The following KCNT2 variants were observed in gnomAD, a reference collection of about 807,000 sequenced individuals.
KCNT2 encodes the protein potassium sodium-activated channel subfamily T member 2.
A neutral mutation model predicts 153.8 loss-of-function variants in KCNT2; 67 were observed. The observed-to-expected ratio is 0.44, with a 90% CI of 0.36 to 0.53. The LOEUF (loss-of-function observed/expected upper bound fraction) is 0.53, where lower values mean the gene tolerates loss of function less well. Among genes scored for constraint, KCNT2 ranks in the 20% least tolerant of loss-of-function variants. The pLI is 0.00. For missense variants in KCNT2, 975 were observed against 1,354.8 expected (o/e 0.72, Z 4.40); for synonymous variants, 500 against 458.8 (o/e 1.09, Z -1.15).
At chr1:196,451,721 G>A (rs1676223604) in intron 8 of KCNT2, among the ~76,000 whole-genome samples, 1 of 151,384 alleles carries the variant, frequency 6.6e-6, no homozygotes, top group Non-Finnish European at 1.5e-5. Context: ...GAAAAATTTA[G>A]TTCCTTCATG....
At chr1:196,341,504 T>C (rs1665626110) in intron 15 of KCNT2, among the ~76,000 whole-genome samples, 3 of 151,964 alleles carry the variant, frequency 2.0e-5, no homozygotes, top group African/African-American at 7.2e-5. Context: ...ATATTGTAAA[T>C]CCTCCAAAAT....
chr1:196,363,900 C>A (rs753672696), intron 14 of KCNT2, among the ~76,000 whole-genome samples: 1 of 152,024 alleles, frequency 6.6e-6, no homozygotes, highest in Non-Finnish European at 1.5e-5. Flanking sequence ...TATATACTAG[C>A]AAACATACAT....
chr1:196,602,757 A>T (rs1664869356), intron 1 of KCNT2, among the ~76,000 whole-genome samples: 1 of 144,248 alleles, frequency 6.9e-6, no homozygotes, highest in Non-Finnish European at 1.5e-5. Flanking sequence ...TACACTATAT[A>T]TATTCAAAGT....
chr1:196,594,665 A>G (rs1002674680), intron 1 of KCNT2, among the ~76,000 whole-genome samples: 1 of 152,126 alleles, frequency 6.6e-6, no homozygotes, highest in Non-Finnish European at 1.5e-5. Flanking sequence ...TATATGGAGT[A>G]ATCAGAGTGA....
chr1:196,244,815 C>A (rs974013454), intron 26 of KCNT2, among the ~76,000 whole-genome samples: 3 of 152,050 alleles, frequency 2.0e-5, no homozygotes, highest in South Asian at 2.1e-4. Context: ...GCTGGTTTTG[C>A]CACCTTCTGT....
At chr1:196,419,647 C>T (rs2148510260) in intron 12 of KCNT2, among the ~76,000 whole-genome samples, 1 of 151,978 alleles carries the variant, frequency 6.6e-6, no homozygotes, top group African/African-American at 2.4e-5. Context: ...CTAGACCAAA[C>T]TTTTGCCAGG....
intron 1 of KCNT2, among the ~76,000 whole-genome samples, chr1:196,599,044 A>C (rs924577637): frequency 6.6e-6 from 1 of 152,244 alleles, no homozygotes; most frequent in African/African-American, 2.4e-5. Context: ...TAATTTGCCA[A>C]TGTAATCACC....
intron 1 of KCNT2, among the ~76,000 whole-genome samples, chr1:196,543,160 C>A (rs182267799): frequency 2.6e-4 from 40 of 152,178 alleles, no homozygotes; most frequent in Non-Finnish European, 5.3e-4. Flanking sequence ...ACAGAATTTA[C>A]TAGAGTTAAG....
chr1:196,336,080 A>G (rs1664998911), intron 16 of KCNT2, among the ~76,000 whole-genome samples: 1 of 152,114 alleles, frequency 6.6e-6, no homozygotes, highest in Non-Finnish European at 1.5e-5. Context: ...ATACCTATGC[A>G]ACTGAATACA....
intron 1 of KCNT2, among the ~76,000 whole-genome samples, chr1:196,546,157 A>C (rs1315133369): frequency 2.6e-5 from 4 of 152,094 alleles, no homozygotes; most frequent in Non-Finnish European, 5.9e-5. Context: ...GTTGTAACTT[A>C]TTCAAATCCT....
At chr1:196,598,138 A>G (rs1161809818) in intron 1 of KCNT2, among the ~76,000 whole-genome samples, 2 of 152,190 alleles carry the variant, frequency 1.3e-5, no homozygotes, top group African/African-American at 4.8e-5. Context: ...AAAGCATTCA[A>G]AATGGACATT....
At chr1:196,537,865 T>C (rs1363418719) in intron 1 of KCNT2, among the ~76,000 whole-genome samples, 1 of 152,176 alleles carries the variant, frequency 6.6e-6, no homozygotes, top group Non-Finnish European at 1.5e-5. Flanking sequence ...GAGCCTGCAA[T>C]TGGAGCACCT....
At chr1:196,445,171 A>G (rs1432854900) in intron 8 of KCNT2, among the ~76,000 whole-genome samples, 1 of 151,436 alleles carries the variant, frequency 6.6e-6, no homozygotes, top group Admixed American at 6.6e-5. Context: ...TTTGATAAAA[A>G]TAAAATAATA....
intron 1 of KCNT2, among the ~76,000 whole-genome samples, chr1:196,575,633 G>T (rs1286683032): frequency 1.3e-5 from 2 of 149,944 alleles, no homozygotes; most frequent in Non-Finnish European, 3.0e-5. Context: ...ATATAGATTT[G>T]ATATATTTAT....
At chr1:196,232,893 A>G (rs1280171466) in intron 27 of KCNT2, among the ~76,000 whole-genome samples, 1 of 151,456 alleles carries the variant, frequency 6.6e-6, no homozygotes, top group Non-Finnish European at 1.5e-5. Context: ...ATTATAAAAT[A>G]CAAATAAGGT....
intron 26 of KCNT2, 121 bp downstream of exon 26, chr1:196,258,073 G>GT: frequency 6.9e-7 from 1 of 1,448,758 alleles, no homozygotes; most frequent in Non-Finnish European, 9.1e-7. Flanking sequence ...TGTATCACTA[G>GT]TTTCTACTAA....
chr1:196,545,067 C>G (rs993433988), intron 1 of KCNT2, among the ~76,000 whole-genome samples: 2 of 151,954 alleles, frequency 1.3e-5, no homozygotes, highest in Non-Finnish European at 2.9e-5. Context: ...CCCAGTGGAC[C>G]TTTCAAAAGC....
chr1:196,329,315 C>T (rs1355274068), intron 18 of KCNT2, among the ~76,000 whole-genome samples: 2 of 152,006 alleles, frequency 1.3e-5, no homozygotes, highest in Non-Finnish European at 2.9e-5. Context: ...ACCAATAATT[C>T]CAGGTATCAC....
At chr1:196,243,051 A>G (rs1397492629) in intron 26 of KCNT2, among the ~76,000 whole-genome samples, 5 of 152,142 alleles carry the variant, frequency 3.3e-5, no homozygotes, top group African/African-American at 1.2e-4. Flanking sequence ...CAGATCTCTC[A>G]TGCCCTTTTG....
Sources: gnomAD v4.1 joint callset for allele counts (sites outside exome capture counted in the v4.1 genomes callset) on GRCh38, gnomAD v4.1.1 for gene constraint, MANE v1.5 for transcripts, NCBI Gene and HGNC (gene_info 2026-07-23, HGNC 2026-07-21) for gene names.